KIAA0753: variants seen among roughly 807,000 people sequenced by gnomAD.
KIAA0753 encodes the protein protein moonraker.
KIAA0753 carries 114 observed loss-of-function variants against 116.9 expected under a neutral mutation model. That is an observed-to-expected ratio of 0.98 (90% CI 0.84 to 1.14). The LOEUF (loss-of-function observed/expected upper bound fraction) is 1.14, where lower values mean the gene tolerates loss of function less well. Among genes scored for constraint, KIAA0753 ranks in the 50% most tolerant of loss-of-function variants. The pLI is 0.00. For synonymous variants in KIAA0753, 405 were observed against 413.1 expected, an observed-to-expected ratio of 0.98 and a Z score of 0.24; for missense variants, 1,156 against 1,172.4, an observed-to-expected ratio of 0.99 and a Z score of 0.20.
intron 14 of KIAA0753, 41 bp from the exon 15 acceptor site, chr17:6,596,384 G>C: frequency 1.8e-6 from 1 of 571,266 alleles, no homozygotes; most frequent in Non-Finnish European, 3.2e-6. Context: ...GCATGGGGTG[G>C]ATTAGGGGTG....
chr17:6,580,491 T>C (rs1245803238), intron 18 of KIAA0753, among the ~76,000 whole-genome samples: 1 of 75,124 alleles, frequency 1.3e-5, no homozygotes, highest in African/African-American at 3.2e-5. Context: ...ATTTTTTGTA[T>C]TTTTTTAGTA....
Position 6,595,051 on chromosome 17 carries a change from T to A in KIAA0753, c.2361A>T (p.Lys787Asn). Residue 787 changes from lysine (K) to asparagine (N), a missense_variant and splice_region_variant, in exon 16 of 19, where the codon AAA (lysine) becomes AAT (asparagine). By Grantham distance (94) the Lys-to-Asn change is moderately conservative. Coordinates refer to ENST00000361413, the MANE Select transcript of KIAA0753 (RefSeq NM_014804.3). Reference sequence around the variant, plus strand: ...ATCTTTGACGAACAGACTCCTGGTATTTCTTTAAAAAAAAAGAAAAAAGTT... The same window carrying A: ...ATCTTTGACGAACAGACTCCTGGTAATTCTTTAAAAAAAAAGAAAAAAGTT... ...IMMRRMEEMEKYQESVRQRYN... is the reference protein window; with the variant it reads ...IMMRRMEEMENYQESVRQRYN... 1.4e-5 allele frequency: 23 copies of A among 1,594,996 alleles called. No homozygotes were observed. The highest frequency in any genetic ancestry group is 2.0e-5 in the Non-Finnish European group (23 of 1,170,374).
chr17:6,611,778 TA>T (rs1413163496), intron 8 of KIAA0753, 140 bp downstream of exon 8: 2 of 673,398 alleles, frequency 3.0e-6, no homozygotes, highest in African/African-American at 3.6e-5. Context: ...TTTGTTAAAA[TA>T]TATAAACAAC....
chr17:6,634,134 G>A (rs113714176), intron 2 of KIAA0753, among the ~76,000 whole-genome samples: 14 of 139,938 alleles, frequency 1.0e-4, no homozygotes, highest in African/African-American at 3.5e-4. Context: ...ATGGAGTCTC[G>A]CTCTGTCACC....
chr17:6,610,625 A>T (rs1409862667), intron 8 of KIAA0753, among the ~76,000 whole-genome samples: 1 of 146,842 alleles, frequency 6.8e-6, no homozygotes, highest in Non-Finnish European at 1.5e-5. Flanking sequence ...GGCTCAAGCG[A>T]TTCTCCTGCC....
chr17:6,615,591 G>A (rs1970853308), intron 7 of KIAA0753, among the ~76,000 whole-genome samples: 1 of 124,188 alleles, frequency 8.1e-6, no homozygotes, highest in African/African-American at 3.2e-5. Flanking sequence ...CTCCAGCCTG[G>A]GCAACAGAGC....
At position 6,579,133 on chromosome 17, in the gene KIAA0753, G is replaced by C. The variant is rs985852486; in HGVS notation, c.*614C>G. On this transcript the variant is annotated 3_prime_UTR_variant, in exon 19 of 19. Transcript: ENST00000361413. The stretch of plus-strand genomic sequence containing the variant: ...AAAATGTGAAAATCACCTAGGAATG[G>C]AACGTTGAAGAAATGTGTGTCTATT... 6.6e-6 allele frequency: 1 copy of C among 152,236 alleles called. No individual in the cohort carries two copies. The highest frequency in any genetic ancestry group is 2.4e-5 in the African/African-American group (1 of 41,460). 9.4% of individuals were successfully genotyped at this position (152,236 alleles called of 1,614,324 possible).
At chr17:6,599,994 G>A (rs1969750231) in intron 13 of KIAA0753, among the ~76,000 whole-genome samples, 1 of 151,984 alleles carries the variant, frequency 6.6e-6, no homozygotes, top group South Asian at 2.1e-4. Flanking sequence ...CACAGAAGCT[G>A]TCCTAACATC....
intron 18 of KIAA0753, among the ~76,000 whole-genome samples, chr17:6,588,651 T>C (rs910919383): frequency 2.0e-5 from 3 of 152,224 alleles, no homozygotes; most frequent in Non-Finnish European, 4.4e-5. Flanking sequence ...AGTACACTAC[T>C]ATGCTACTAT....
chr17:6,589,824 G>C lies in KIAA0753; in HGVS notation c.2741C>G (p.Ser914Cys). 1 of 1,613,974 alleles carries C rather than the reference G, an allele frequency of 6.2e-7. No individual in the cohort carries two copies. Among genetic ancestry groups the C allele is most frequent in the Non-Finnish European group, 8.5e-7 (1 of 1,179,946 alleles). The change falls in exon 18 of 19, where the codon TCT (serine) becomes TGT (cysteine). Residue 914 changes from serine to cysteine, a missense_variant. By Grantham distance (112) the Ser-to-Cys change is moderately radical. Transcript: ENST00000361413. Reference sequence around the variant, plus strand: ...GTTGAAGGAGCCTACAGCCTCATGAGATATGATCCGAAGGTACTGCTCAAA... The same window carrying C: ...GTTGAAGGAGCCTACAGCCTCATGACATATGATCCGAAGGTACTGCTCAAA... ...SRFEQYLRII[S>C]HEAVGSFNPW...
intron 18 of KIAA0753, among the ~76,000 whole-genome samples, chr17:6,585,085 C>T (rs1487544122): frequency 6.6e-6 from 1 of 152,194 alleles, no homozygotes; most frequent in African/African-American, 2.4e-5. Context: ...AGCCACCATA[C>T]CCGGGCCCTA....
intron 12 of KIAA0753, among the ~76,000 whole-genome samples, chr17:6,605,035 C>T (rs553647338): frequency 4.7e-5 from 7 of 150,136 alleles, no homozygotes; most frequent in Non-Finnish European, 8.9e-5. Context: ...ATCACTTGAG[C>T]CCAGGAGTCC....
At chr17:6,623,647 T>C in intron 4 of KIAA0753, 76 bp from the exon 5 acceptor site, 1 of 1,531,598 alleles carries the variant, frequency 6.5e-7, no homozygotes, top group South Asian at 1.3e-5. Flanking sequence ...TGCATCGATA[T>C]ATCTCCTCTT....
At chr17:6,600,538 G>A (rs908846159) in intron 12 of KIAA0753, 80 bp from the exon 13 acceptor site, 3 of 1,085,242 alleles carry the variant, frequency 2.8e-6, no homozygotes, top group African/African-American at 1.6e-5. Flanking sequence ...CACTCCAGGA[G>A]AAGGGAAATA....
chr17:6,617,819 C>G (rs1971033522), intron 7 of KIAA0753, among the ~76,000 whole-genome samples: 3 of 152,208 alleles, frequency 2.0e-5, no homozygotes, highest in South Asian at 4.1e-4. Flanking sequence ...AATTCTGGAA[C>G]TAGCTGGGTG....
intron 7 of KIAA0753, among the ~76,000 whole-genome samples, chr17:6,617,831 A>G (rs1175345283): frequency 1.3e-5 from 2 of 152,220 alleles, no homozygotes; most frequent in African/African-American, 4.8e-5. Context: ...AGCTGGGTGC[A>G]GTGGCTCACG....
Position 6,608,379 on chromosome 17 carries a change from G to T in KIAA0753, c.1798C>A (p.Leu600Met). The change falls in exon 10 of 19, where the codon CTG becomes ATG. Residue 600 changes from leucine to methionine, a missense_variant. Transcript: ENST00000361413. The part of the protein sequence containing the change: ...QQEDPQEESH[L>M]TGAVEHEAAR... ...GCTTCATGCTCAACAGCACCTGTCA[G>T]GTGACTTTCCTCTTGAGGATCTTCT... The T allele has an allele frequency of 6.4e-7, 1 of 1,553,274 alleles. No homozygotes were observed. The highest frequency in any genetic ancestry group is 8.7e-7 in the Non-Finnish European group (1 of 1,144,012).
chr17:6,606,774 T>C (rs1890473156), intron 12 of KIAA0753, 99 bp downstream of exon 12: 1 of 814,430 alleles, frequency 1.2e-6, no homozygotes, highest in Non-Finnish European at 2.1e-6. Context: ...ATTCATGTAA[T>C]GAAGTTAGGC....
At chr17:6,596,931 C>T (rs1386535645) in intron 14 of KIAA0753, among the ~76,000 whole-genome samples, 3 of 152,156 alleles carry the variant, frequency 2.0e-5, no homozygotes, top group Non-Finnish European at 2.9e-5. Flanking sequence ...TTATAATCTG[C>T]CCTGAAAGAG....
Sources: allele counts gnomAD v4.1 joint callset (sites outside exome capture counted in the v4.1 genomes callset), GRCh38; gene constraint gnomAD v4.1.1; transcripts MANE v1.5; gene names NCBI Gene and HGNC (gene_info 2026-07-23, HGNC 2026-07-21).